Variants in KMT2C observed in about 807,000 individuals in gnomAD.
The protein encoded by KMT2C is lysine methyltransferase 2C, also known as histone-lysine N-methyltransferase 2C.
A neutral mutation model predicts 507.9 loss-of-function variants in KMT2C; 88 were observed. The ratio of observed to expected loss-of-function variants is 0.17; its 90% confidence interval spans 0.15 to 0.21. The LOEUF (loss-of-function observed/expected upper bound fraction) is 0.21, where lower values mean the gene tolerates loss of function less well. KMT2C is among the 10% of genes least tolerant of loss of function. The pLI, the probability that KMT2C is intolerant of heterozygous loss-of-function variation, is 1.00. For synonymous variants in KMT2C, 2,049 were observed against 2,080.8 expected, an observed-to-expected ratio of 0.98 and a Z score of 0.42; for missense variants, 4,954 against 5,957.8, an observed-to-expected ratio of 0.83 and a Z score of 5.55.
At chr7:152,311,519 C>A (rs1374088024) in intron 5 of KMT2C, among the ~76,000 whole-genome samples, 2 of 152,010 alleles carry the variant, frequency 1.3e-5, no homozygotes, top group East Asian at 3.9e-4. Context: ...TTAAAATTTT[C>A]TCTTTTCTCA....
rs199588302 is a variant in KMT2C, at chr7:152,183,089, T to C, written c.5150A>G (p.Lys1717Arg). ...NKVQMSNDSM[K>R]RQQQQDSIDP... ...AATGCTATCTTGCTGTTGCTGCCTTTTCATGGAATCATTTGACATCTGTAC... is the reference window on the plus strand; with the variant it reads ...AATGCTATCTTGCTGTTGCTGCCTTCTCATGGAATCATTTGACATCTGTAC... The change falls in exon 35 of 59, where the codon AAA becomes AGA. Residue 1717 changes from lysine to arginine, a missense_variant. Around this residue, in one of 29 missense-constraint regions of KMT2C, gnomAD observed 58 missense variants for 63.3 expected, o/e 0.92. Transcript: ENST00000262189. 2.2e-5 allele frequency: 35 copies of C among 1,613,196 alleles called. No homozygotes were observed. The East Asian group carries it at 7.8e-4, about 36-fold the overall frequency.
chr7:152,223,846 T>C (rs1394597118), intron 20 of KMT2C, among the ~76,000 whole-genome samples, 169 bp downstream of exon 20: 3 of 151,738 alleles, frequency 2.0e-5, no homozygotes, highest in African/African-American at 7.3e-5. Context: ...GAGTTGAGAA[T>C]TCAAAACAGG....
chr7:152,207,512 T>C (rs2094340683), intron 23 of KMT2C, 84 bp from the exon 24 acceptor site: 19 of 1,281,872 alleles, frequency 1.5e-5, no homozygotes, highest in Middle Eastern at 1.9e-4. Flanking sequence ...AAAAGTAGGG[T>C]TGTTGCTGAG....
At chr7:152,434,999 T>C (rs1369952462) in intron 1 of KMT2C, among the ~76,000 whole-genome samples, 1 of 151,446 alleles carries the variant, frequency 6.6e-6, no homozygotes, top group African/African-American at 2.4e-5. Flanking sequence ...AGCCCGGGAG[T>C]GCGGTGCTGG....
At chr7:152,385,746 G>A (rs1211094636) in intron 1 of KMT2C, among the ~76,000 whole-genome samples, 1 of 148,346 alleles carries the variant, frequency 6.7e-6, no homozygotes, top group African/African-American at 2.5e-5. Flanking sequence ...TTTTTCTTAA[G>A]CCTTCACTTT....
chr7:152,315,793 T>C (rs367967793), intron 3 of KMT2C, among the ~76,000 whole-genome samples: 7 of 152,130 alleles, frequency 4.6e-5, no homozygotes, highest in African/African-American at 1.4e-4. Context: ...GGCACACCCC[T>C]GTAATCCCAG....
intron 1 of KMT2C, among the ~76,000 whole-genome samples, chr7:152,398,168 C>T (rs888506997): frequency 4.6e-5 from 7 of 152,124 alleles, no homozygotes; most frequent in East Asian, 3.8e-4. Context: ...AGACTAATTA[C>T]GAGAAATGCA....
At chr7:152,364,438 T>A (rs2097220927) in intron 1 of KMT2C, among the ~76,000 whole-genome samples, 1 of 151,604 alleles carries the variant, frequency 6.6e-6, no homozygotes, top group Non-Finnish European at 1.5e-5. Context: ...AAACCCCATC[T>A]CTACTAAAAA....
chr7:152,292,692 C>A (rs912401159), intron 6 of KMT2C, among the ~76,000 whole-genome samples: 1 of 152,204 alleles, frequency 6.6e-6, no homozygotes, highest in African/African-American at 2.4e-5. Context: ...CCATCCACCC[C>A]TCTGTAGCCT....
In KMT2C at chr7:152,199,309, A is replaced by G. The variant is rs1040502401; in HGVS notation, c.4243T>C (p.Ser1415Pro). ...GTTCCAGATTTTGTTGGAGCCGAGGATGAACTAAGTAGTGGATCTAAGGAA... is the reference window on the plus strand; with the variant it reads ...GTTCCAGATTTTGTTGGAGCCGAGGGTGAACTAAGTAGTGGATCTAAGGAA... ...DPSLDPLLSSSSAPTKSGTHG... is the reference protein window; with the variant it reads ...DPSLDPLLSSPSAPTKSGTHG... Residue 1415 changes from serine to proline, a missense_variant, in exon 27 of 59, where the codon TCC becomes CCC. Coordinates refer to ENST00000262189, the MANE Select transcript of KMT2C (RefSeq NM_170606.3). 4 of 1,597,874 alleles carry G rather than the reference A, an allele frequency of 2.5e-6. No individual in the cohort carries two copies. In the East Asian group the frequency reaches 9.1e-5, roughly 36 times the overall value.
At chr7:152,322,198 A>G (rs1262880456) in intron 3 of KMT2C, among the ~76,000 whole-genome samples, 2 of 151,906 alleles carry the variant, frequency 1.3e-5, no homozygotes, top group African/African-American at 4.8e-5. Flanking sequence ...CCCCGTCTCT[A>G]CTAAAAATAC....
At chr7:152,375,570 G>C (rs560421739) in intron 1 of KMT2C, among the ~76,000 whole-genome samples, 25 of 150,622 alleles carry the variant, frequency 1.7e-4, no homozygotes, top group African/African-American at 6.1e-4. Context: ...ATTTTTAGTA[G>C]AGACAGGGTT....
At chr7:152,147,562 C>T (rs2091227610) in intron 52 of KMT2C, among the ~76,000 whole-genome samples, 2 of 151,752 alleles carry the variant, frequency 1.3e-5, no homozygotes, top group African/African-American at 4.8e-5. Flanking sequence ...TAAAAATTAG[C>T]CGGGCATGGT....
At chr7:152,227,110 C>G (rs947336971) in intron 18 of KMT2C, among the ~76,000 whole-genome samples, 2 of 152,220 alleles carry the variant, frequency 1.3e-5, no homozygotes, top group African/African-American at 4.8e-5. Flanking sequence ...CACATCCACT[C>G]ATAACTGCTT....
chr7:152,359,558 G>C (rs944679654), intron 1 of KMT2C, among the ~76,000 whole-genome samples: 2 of 151,688 alleles, frequency 1.3e-5, no homozygotes, highest in African/African-American at 4.8e-5. Context: ...TCATTTGAGT[G>C]CAAGAGTTCA....
chr7:152,365,192 A>G (rs1190563566), intron 1 of KMT2C, among the ~76,000 whole-genome samples: 1 of 152,186 alleles, frequency 6.6e-6, no homozygotes, highest in East Asian at 1.9e-4. Flanking sequence ...TGAACAAAAC[A>G]TGCAGCAAAA....
At chr7:152,305,117 T>C (rs1289489196) in intron 6 of KMT2C, among the ~76,000 whole-genome samples, 1 of 152,168 alleles carries the variant, frequency 6.6e-6, no homozygotes, top group African/African-American at 2.4e-5. Flanking sequence ...GTGCTATTAA[T>C]TAGTCTACAA....
In KMT2C at chr7:152,177,802, G is replaced by A. The variant is rs776769083; in HGVS notation, c.7651C>T (p.His2551Tyr). Residue 2551 changes from histidine to tyrosine, a missense_variant, in exon 38 of 59, where the codon CAC becomes TAC. His to Tyr is a moderately conservative substitution (Grantham distance 83). This residue lies in a region of KMT2C where 1,689 missense variants were observed against 1,654.3 expected (regional missense o/e 1.02). Coordinates refer to ENST00000262189, the MANE Select transcript of KMT2C (RefSeq NM_170606.3). ...FSPQSLPVQQ[H>Y]NILGQAYIEL... Reference sequence around the variant, plus strand: ...ATATATGCTTGGCCCAGTATGTTGTGCTGCTGAACTGGCAAGCTCTGTGGT... The same window carrying A: ...ATATATGCTTGGCCCAGTATGTTGTACTGCTGAACTGGCAAGCTCTGTGGT... The A allele has an allele frequency of 2.5e-6, 4 of 1,613,812 alleles. No homozygotes were observed. Among genetic ancestry groups the A allele is most frequent in the Admixed American group, 3.3e-5 (2 of 59,964 alleles).
At chr7:152,202,105 G>A (rs2094161701) in intron 26 of KMT2C, among the ~76,000 whole-genome samples, 1 of 152,196 alleles carries the variant, frequency 6.6e-6, no homozygotes, top group Non-Finnish European at 1.5e-5. Flanking sequence ...AGGCAATGAA[G>A]GGTTATCTGT....
Sources: gnomAD v4.1 joint callset for allele counts (sites outside exome capture counted in the v4.1 genomes callset) on GRCh38, gnomAD v4.1.1 for gene constraint, gnomAD v4.1.1 regional missense constraint, MANE v1.5 for transcripts, NCBI Gene and HGNC (gene_info 2026-07-23, HGNC 2026-07-21) for gene names.